Variants in MAN2B2 observed in about 807,000 individuals in gnomAD.
MAN2B2 encodes the protein epididymis-specific alpha-mannosidase.
A neutral mutation model predicts 117.1 loss-of-function variants in MAN2B2; 106 were observed. The observed-to-expected ratio is 0.90, with a 90% CI of 0.77 to 1.06. MAN2B2 has a LOEUF of 1.06. MAN2B2 is among the 50% of genes least tolerant of loss of function. MAN2B2 has a pLI of 0.00. For missense variants in MAN2B2, 1,326 were observed against 1,381.4 expected (o/e 0.96, Z 0.64); for synonymous variants, 544 against 595.1 (o/e 0.91, Z 1.25).
intron 2 of MAN2B2, among the ~76,000 whole-genome samples, 161 bp from the exon 3 acceptor site, chr4:6,578,232 C>A (rs1726144331): frequency 6.6e-6 from 1 of 152,130 alleles, no homozygotes; most frequent in Non-Finnish European, 1.5e-5. Context: ...GTGGTGGGAA[C>A]ACAGTGTGGA....
At chr4:6,597,400 T>A in intron 8 of MAN2B2, 97 bp downstream of exon 8, 1 of 1,265,908 alleles carries the variant, frequency 7.9e-7, no homozygotes, top group Non-Finnish European at 1.1e-6. Context: ...CCTGGGGCAC[T>A]AGAGGCCCCA....
chr4:6,600,200 G>A (rs1727271527), intron 9 of MAN2B2, among the ~76,000 whole-genome samples: 1 of 152,154 alleles, frequency 6.6e-6, no homozygotes, highest in Admixed American at 6.5e-5. Context: ...TGACCCTCTG[G>A]GCTCCAGAGA....
chr4:6,600,704 G>A lies in MAN2B2; in HGVS notation c.1487G>A (p.Gly496Asp). 6.2e-7 allele frequency: 1 copy of A among 1,614,010 alleles called. No individual in the cohort carries two copies. The highest frequency in any genetic ancestry group is 8.5e-7 in the Non-Finnish European group (1 of 1,180,044). Residue 496 changes from glycine (G) to aspartate (D), a missense_variant, in exon 10 of 19, where the codon GGT becomes GAT. Coordinates refer to ENST00000285599, the MANE Select transcript of MAN2B2 (RefSeq NM_015274.3). ...ACCACCATCGTCACCCTGACTGTTG[G>A]TTTCCCTGGAGTCCGCGTCACAGAT... ...TVTTIVTLTVGFPGVRVTDEA... is the reference protein window; with the variant it reads ...TVTTIVTLTVDFPGVRVTDEA...
At chr4:6,579,342 A>T (rs1233206642) in intron 3 of MAN2B2, among the ~76,000 whole-genome samples, 10 of 113,112 alleles carry the variant, frequency 8.8e-5, no homozygotes, top group East Asian at 2.9e-4. Context: ...CACCACCACC[A>T]TCACCATCAC....
chr4:6,606,077 C>A (rs1727534806), intron 11 of MAN2B2, among the ~76,000 whole-genome samples: 1 of 152,198 alleles, frequency 6.6e-6, no homozygotes, highest in African/African-American at 2.4e-5. Context: ...AGAATACTCA[C>A]CTTGTCTCCT....
In MAN2B2 at chr4:6,605,378, T is replaced by C. The variant is rs1328742491; in HGVS notation, c.1814+49T>C. ...CTGAGGCACAGGCATGCCTGGAGCC[T>C]GGGCATGTCAGGCCCCTACCTGGAT... is the stretch of plus-strand genomic sequence containing the variant. On this transcript the variant is annotated intron_variant, in intron 11 of 18. Transcript: ENST00000285599. 1.9e-6 allele frequency: 3 copies of C among 1,560,596 alleles called. No individual in the cohort carries two copies. The South Asian group carries it at 3.6e-5, about 19-fold the overall frequency.
Position 6,620,163 on chromosome 4 carries a change from G to C in MAN2B2, c.2932+119G>C, listed in dbSNP as rs990769158. On this transcript the variant is annotated intron_variant, in intron 18 of 18. Transcript: ENST00000285599. ...CCGGCCTGTGCGACCTTGCGAGGCTGCTTTCCTACTCTGAACCCGCAGCCC... is the reference window on the plus strand; with the variant it reads ...CCGGCCTGTGCGACCTTGCGAGGCTCCTTTCCTACTCTGAACCCGCAGCCC... 163 of 808,566 alleles carry C rather than the reference G, an allele frequency of 2.0e-4. No individual in the cohort carries two copies. In the Admixed American group the frequency reaches 4.3e-3, roughly 21 times the overall value. 50.1% of individuals were successfully genotyped at this position (808,566 alleles called of 1,614,324 possible). A position where few individuals can be genotyped will look rare whatever the true frequency, so the allele number is the denominator to read the frequency against.
rs779386264 is a variant in MAN2B2 at position 6,597,144 on chromosome 4, G to A, written c.1089G>A (p.Thr363=). 1.9e-5 allele frequency: 30 copies of A among 1,613,156 alleles called. No individual in the cohort carries two copies. Among genetic ancestry groups the A allele is most frequent in the Admixed American group, 1.2e-4 (7 of 59,962 alleles). The part of the protein sequence containing the change: ...EPFQAWTGFY[T]SRSSLKGLAR... ...TCCAGGCCTGGACGGGCTTCTACAC[G>A]TCCCGCAGCTCACTGAAGGGGCTGG... is the stretch of plus-strand genomic sequence containing the variant. Residue 363 remains threonine (T), a synonymous_variant, in exon 8 of 19, where the codon ACG becomes ACA. Coordinates refer to ENST00000285599, the MANE Select transcript of MAN2B2 (RefSeq NM_015274.3).
chr4:6,604,592 G>A (rs1160220801), intron 10 of MAN2B2, among the ~76,000 whole-genome samples: 2 of 152,020 alleles, frequency 1.3e-5, no homozygotes, highest in African/African-American at 4.8e-5. Context: ...GGCCATCGTT[G>A]GATGGGGATG....
intron 16 of MAN2B2, among the ~76,000 whole-genome samples, chr4:6,614,912 C>A (rs1351217066): frequency 6.6e-6 from 1 of 152,256 alleles, no homozygotes; most frequent in African/African-American, 2.4e-5. Flanking sequence ...CAAGAGGAAT[C>A]CCCCTGCACA....
intron 6 of MAN2B2, 32 bp downstream of exon 6, chr4:6,593,382 A>G: frequency 6.3e-7 from 1 of 1,591,802 alleles, no homozygotes; most frequent in Non-Finnish European, 8.6e-7. Flanking sequence ...TGTGCCCTCA[A>G]CACAGCCCAA....
Position 6,619,993 on chromosome 4 carries a change from T to C in MAN2B2, c.2881T>C (p.Leu961=), listed in dbSNP as rs1712085989. Reference sequence around the variant, plus strand: ...GCGCTCGCTCACAGGGACCTGGGATTTGAGCATGCTGCACCGCTGGAGCTG... The same window carrying C: ...GCGCTCGCTCACAGGGACCTGGGATCTGAGCATGCTGCACCGCTGGAGCTG... ...EERSLTGTWD[L]SMLHRWSWRT... The change falls in exon 18 of 19, where the codon TTG becomes CTG. Residue 961 remains leucine (L), a synonymous_variant. Transcript: ENST00000285599. 1 of 1,613,782 alleles carries C rather than the reference T, an allele frequency of 6.2e-7. No individual in the cohort carries two copies. Among genetic ancestry groups the C allele is most frequent in the African/African-American group, 1.3e-5 (1 of 74,910 alleles).
intron 16 of MAN2B2, 120 bp from the exon 17 acceptor site, chr4:6,617,260 C>A (rs762514012): frequency 5.6e-6 from 4 of 709,334 alleles, no homozygotes; most frequent in Non-Finnish European, 9.6e-6. Context: ...ACAGCCAAAC[C>A]ATATCGAGGA....
At chr4:6,603,458 C>A (rs2108749709) in intron 10 of MAN2B2, among the ~76,000 whole-genome samples, 1 of 152,240 alleles carries the variant, frequency 6.6e-6, no homozygotes, top group South Asian at 2.1e-4. Flanking sequence ...GGGCCCTCGG[C>A]TGGAACTGAG....
chr4:6,578,724 C>T (rs893444590), intron 3 of MAN2B2, among the ~76,000 whole-genome samples: 2 of 152,090 alleles, frequency 1.3e-5, no homozygotes, highest in African/African-American at 4.8e-5. Context: ...CTCAATATAT[C>T]CTGGCTCTGC....
chr4:6,610,100 G>T, intron 13 of MAN2B2, 50 bp downstream of exon 13: 1 of 1,602,190 alleles, frequency 6.2e-7, no homozygotes, highest in South Asian at 1.1e-5. Context: ...GCCTTTCCTG[G>T]ACCCATTAAG....
chr4:6,599,532 C>T (rs905682081), intron 9 of MAN2B2, among the ~76,000 whole-genome samples: 17 of 151,918 alleles, frequency 1.1e-4, no homozygotes, highest in Admixed American at 7.2e-4. Flanking sequence ...GGTGTGGTGG[C>T]GGGCGCCTGT....
rs747263957 is a variant in MAN2B2, at chr4:6,614,373, G to A, written c.2701+18G>A. 5.6e-6 allele frequency: 9 copies of A among 1,612,010 alleles called. No homozygotes were observed. In the Admixed American group the frequency reaches 1.5e-4, roughly 27 times the overall value. ...CCGGAAAGGTGAGGCAGGTGCCCTGGCGTCTCAGACCTGCTCCTCCCTCCC... is the reference window on the plus strand; with the variant it reads ...CCGGAAAGGTGAGGCAGGTGCCCTGACGTCTCAGACCTGCTCCTCCCTCCC... On this transcript the variant is annotated intron_variant, in intron 16 of 18. Coordinates refer to ENST00000285599, the MANE Select transcript of MAN2B2 (RefSeq NM_015274.3).
At chr4:6,581,860 C>T (rs560208604) in intron 3 of MAN2B2, among the ~76,000 whole-genome samples, 71 of 152,122 alleles carry the variant, frequency 4.7e-4, no homozygotes, top group Non-Finnish European at 9.0e-4. Flanking sequence ...CCGGCAGTCA[C>T]GCCAACACCA....
Sources: allele counts gnomAD v4.1 joint callset (sites outside exome capture counted in the v4.1 genomes callset), GRCh38; gene constraint gnomAD v4.1.1; transcripts MANE v1.5; gene names NCBI Gene and HGNC (gene_info 2026-07-23, HGNC 2026-07-21).